Variants in ZNF462 observed in about 807,000 individuals in gnomAD.
The protein encoded by ZNF462 is zinc finger PBX1-interacting protein.
A neutral mutation model predicts 201.9 loss-of-function variants in ZNF462; 10 were observed. The observed-to-expected ratio is 0.05, with a 90% CI of 0.03 to 0.08. The LOEUF (loss-of-function observed/expected upper bound fraction) is 0.08. Among genes scored for constraint, ZNF462 ranks in the 10% least tolerant of loss-of-function variants. The pLI, the probability that ZNF462 is intolerant of heterozygous loss-of-function variation, is 1.00. For synonymous variants in ZNF462, 1,227 were observed against 1,193.3 expected (o/e 1.03, Z -0.58); for missense variants, 2,523 against 3,168.3 (o/e 0.80, Z 4.89).
chr9:106,930,921 G>A lies in ZNF462; in HGVS notation c.6012+232G>A. On this transcript the variant is annotated intron_variant, in intron 4 of 12. Transcript: ENST00000277225. The surrounding 1 kb of genome is among the most constrained non-coding windows in gnomAD (Gnocchi z 5.8). ...TTTCCTTCCACGCGGATAGTTTGGT[G>A]GCAGCAGAAGGTCCAGGATTCTCGG... 2 of 455,640 alleles carry A rather than the reference G, an allele frequency of 4.4e-6. No homozygotes were observed. The highest frequency in any genetic ancestry group is 4.0e-6 in the Non-Finnish European group (1 of 251,144). The allele number at this position is 455,640 out of a possible 1,614,324, so 28.2% of individuals were successfully genotyped here.
Position 106,927,207 on chromosome 9 carries a change from C to CCCCCCCCCCCCCAACCCCCCCCCCCAA in ZNF462, c.3296_3297insCCCCCCCCCCCAACCCCCCCCCCCAAC (p.Pro1107_Asp1108insThrProProProGlnProProProPro). ...TCCCAAAATGTCCAACATGGGTTCC[C>CCCCCCCCCCCCCAACCCCCCCCCCCAA]CACCCCCCCCACAACCCCCGCCACC... On this transcript the variant is annotated inframe_insertion, in exon 3 of 13. Coordinates refer to ENST00000277225, the MANE Select transcript of ZNF462 (RefSeq NM_021224.6). The CCCCCCCCCCCCCAACCCCCCCCCCCAA allele has an allele frequency of 6.3e-7, 1 of 1,579,124 alleles. No homozygotes were observed. The highest frequency in any genetic ancestry group is 1.7e-5 in the Admixed American group (1 of 59,212).
At position 106,950,005 on chromosome 9, in the gene ZNF462, A is replaced by G. The variant is rs1831270672; in HGVS notation, c.6427+10898A>G. On this transcript the variant is annotated intron_variant, in intron 7 of 12. Coordinates refer to ENST00000277225, the MANE Select transcript of ZNF462 (RefSeq NM_021224.6). The surrounding 1 kb of genome is among the most constrained non-coding windows in gnomAD (Gnocchi z 4.1). ...TTCCCCATCCAACCTAGACCTGACCAGAGGGTTAGCCGTTTCAAAGGGGCT... is the reference window on the plus strand; with the variant it reads ...TTCCCCATCCAACCTAGACCTGACCGGAGGGTTAGCCGTTTCAAAGGGGCT... Among the ~76,000 whole-genome samples, 1 of 152,150 alleles carries G rather than the reference A, an allele frequency of 6.6e-6. No individual in the cohort carries two copies. The highest frequency in any genetic ancestry group is 6.5e-5 in the Admixed American group (1 of 15,276).
At position 106,950,283 on chromosome 9, in the gene ZNF462, G is replaced by T. The variant is rs1831284334; in HGVS notation, c.6427+11176G>T. ...TCAGTTTACACCTAAGTATTTCAAG[G>T]TATTTTCTTAAGTGAAAGAGACAGG... On this transcript the variant is annotated intron_variant, in intron 7 of 12. Coordinates refer to ENST00000277225, the MANE Select transcript of ZNF462 (RefSeq NM_021224.6). The surrounding 1 kb of genome is among the most constrained non-coding windows in gnomAD (Gnocchi z 4.1). Among the ~76,000 whole-genome samples the T allele has an allele frequency of 6.6e-6, 1 of 152,142 alleles. No individual in the cohort carries two copies. Among genetic ancestry groups the T allele is most frequent in the Non-Finnish European group, 1.5e-5 (1 of 68,034 alleles).
At chr9:106,939,153 T>G (rs1489548040) in intron 7 of ZNF462, 46 bp downstream of exon 7, 1 of 1,449,170 alleles carries the variant, frequency 6.9e-7, no homozygotes, top group Non-Finnish European at 9.2e-7. Context: ...AGGGTTGAGG[T>G]GGGCTGGGAT....
intron 1 of ZNF462, among the ~76,000 whole-genome samples, chr9:106,887,872 C>T (rs971725078): frequency 1.2e-4 from 19 of 152,116 alleles, no homozygotes; most frequent in African/African-American, 1.2e-4. Context: ...TAAATTTTCT[C>T]GTAACACGAC....
intron 1 of ZNF462, among the ~76,000 whole-genome samples, chr9:106,891,845 A>C (rs1485604989): frequency 6.6e-6 from 1 of 152,144 alleles, no homozygotes; most frequent in East Asian, 1.9e-4. Flanking sequence ...GAGTCCTGAG[A>C]GACCCATCCA....
At chr9:106,992,534 A>C (rs1257328651) in intron 10 of ZNF462, among the ~76,000 whole-genome samples, 2 of 152,172 alleles carry the variant, frequency 1.3e-5, no homozygotes, top group Admixed American at 1.3e-4. Flanking sequence ...GCAATGGAGT[A>C]CTATTCAGCG....
chr9:106,967,027 C>T (rs974900112), intron 7 of ZNF462, among the ~76,000 whole-genome samples: 11 of 152,064 alleles, frequency 7.2e-5, no homozygotes, highest in South Asian at 2.1e-4. Flanking sequence ...CTGTCCTCTG[C>T]GGCTCCTACA....
At chr9:106,868,815 C>T (rs146486576) in intron 1 of ZNF462, among the ~76,000 whole-genome samples, 3 of 152,196 alleles carry the variant, frequency 2.0e-5, no homozygotes, top group African/African-American at 7.2e-5. Flanking sequence ...AATAGCTGCT[C>T]TCTTCTCCAG....
chr9:106,877,825 TCTTC>T (rs1827904077), intron 1 of ZNF462, among the ~76,000 whole-genome samples: 1 of 152,186 alleles, frequency 6.6e-6, no homozygotes, highest in Non-Finnish European at 1.5e-5. Flanking sequence ...AGATTTTTGG[TCTTC>T]AAAGGGTAGA....
intron 7 of ZNF462, among the ~76,000 whole-genome samples, chr9:106,965,531 G>T (rs552252020): frequency 6.6e-6 from 1 of 151,984 alleles, no homozygotes; most frequent in East Asian, 1.9e-4. Flanking sequence ...TCTCTGATGC[G>T]TTATACCTGT....
At position 106,902,839 on chromosome 9, in the gene ZNF462, GGTCT is replaced by G. The variant is rs1197289536; in HGVS notation, c.-30-20514_-30-20511del. Among the ~76,000 whole-genome samples the G allele has an allele frequency of 1.3e-5, 2 of 151,634 alleles. No individual in the cohort carries two copies. The highest frequency in any genetic ancestry group is 4.8e-5 in the African/African-American group (2 of 41,304). On this transcript the variant is annotated intron_variant, in intron 1 of 12. Coordinates refer to ENST00000277225, the MANE Select transcript of ZNF462 (RefSeq NM_021224.6). The surrounding 1 kb of genome is among the most constrained non-coding windows in gnomAD (Gnocchi z 4.2). ...TCTTTTCTTGGTTAATTTTGCTAAT[GGTCT>G]ATCAATTTTATTTATCTTCTCAAAG...
rs1829760018 is a variant in ZNF462 at position 107,009,003 on chromosome 9, TTG to T, written c.7190-541_7190-540del. 6.6e-6 allele frequency among the ~76,000 whole-genome samples: 1 copy of T among 152,194 alleles called. No homozygotes were observed. The highest frequency in any genetic ancestry group is 6.5e-5 in the Admixed American group (1 of 15,280). On this transcript the variant is annotated intron_variant, in intron 11 of 12. Transcript: ENST00000277225. The surrounding 1 kb of genome is among the most constrained non-coding windows in gnomAD (Gnocchi z 6.1). ...GTGCACATAACCGCCCTGTAAGGTA[TTG>T]ATTATAATGTCTATGATGGATGACC...
chr9:106,969,502 A>C (rs777167409), intron 7 of ZNF462, among the ~76,000 whole-genome samples: 1 of 152,206 alleles, frequency 6.6e-6, no homozygotes, highest in Non-Finnish European at 1.5e-5. Flanking sequence ...TGCCTGACAG[A>C]TCAGTGCATG....
intron 7 of ZNF462, among the ~76,000 whole-genome samples, chr9:106,969,269 CCTTTTG>C (rs1826454605): frequency 6.6e-6 from 1 of 152,126 alleles, no homozygotes; most frequent in Non-Finnish European, 1.5e-5. Flanking sequence ...ATTAGCTGTT[CCTTTTG>C]CACTGCCATT....
chr9:106,909,609 T>C (rs1346436954), intron 1 of ZNF462, among the ~76,000 whole-genome samples: 1 of 152,204 alleles, frequency 6.6e-6, no homozygotes, highest in African/African-American at 2.4e-5. Flanking sequence ...AAAAACTGGT[T>C]GTGAACTTAG....
intron 1 of ZNF462, among the ~76,000 whole-genome samples, chr9:106,901,162 G>C (rs2131183163): frequency 6.6e-6 from 1 of 152,176 alleles, no homozygotes; most frequent in South Asian, 2.1e-4. Context: ...TCAACCATTT[G>C]TTGAAAAGGA....
At position 106,984,466 on chromosome 9, in the gene ZNF462, G is replaced by A; in HGVS notation, c.7056+57G>A. The A allele has an allele frequency of 7.1e-7, 1 of 1,401,776 alleles. No homozygotes were observed. The highest frequency in any genetic ancestry group is 9.8e-7 in the Non-Finnish European group (1 of 1,015,410). 86.8% of individuals were successfully genotyped at this position (1,401,776 alleles called of 1,614,324 possible). A position where few individuals can be genotyped will look rare whatever the true frequency, so the allele number is the denominator to read the frequency against. On this transcript the variant is annotated intron_variant, in intron 10 of 12. Transcript: ENST00000277225. The surrounding 1 kb of genome is among the most constrained non-coding windows in gnomAD (Gnocchi z 6.4). ...GCACACTTGTGGGGAGGGGCCAAGG[G>A]GGAGACACCACTGCATTTAGTCACG...
intron 1 of ZNF462, among the ~76,000 whole-genome samples, chr9:106,912,847 A>G (rs1829607479): frequency 6.6e-6 from 1 of 152,194 alleles, no homozygotes; most frequent in South Asian, 2.1e-4. Context: ...AATATTTTTC[A>G]GGGAGGCTAA....
Sources: gnomAD v4.1 joint callset for allele counts (sites outside exome capture counted in the v4.1 genomes callset) on GRCh38, gnomAD v4.1.1 for gene constraint, Gnocchi (gnomAD v3.1) non-coding constraint, MANE v1.5 for transcripts, NCBI Gene and HGNC (gene_info 2026-07-23, HGNC 2026-07-21) for gene names.